Variants in CDCA7L observed in about 807,000 individuals in gnomAD.
CDCA7L encodes the protein cell division cycle-associated 7-like protein.
Under a neutral mutation model 57.4 loss-of-function variants are expected in CDCA7L, and 44 were observed. The observed-to-expected ratio is 0.77, with a 90% CI of 0.60 to 0.98. CDCA7L has a LOEUF of 0.98. Among genes scored for constraint, CDCA7L ranks in the 50% least tolerant of loss-of-function variants. The pLI is 0.00. For missense variants in CDCA7L, 644 were observed against 580.6 expected (o/e 1.11, Z -1.12); for synonymous variants, 236 against 202.8 (o/e 1.16, Z -1.39).
intron 1 of CDCA7L, among the ~76,000 whole-genome samples, chr7:21,933,758 A>C (rs1786084972): frequency 6.6e-6 from 1 of 152,126 alleles, no homozygotes; most frequent in African/African-American, 2.4e-5. Flanking sequence ...CTATGTAACA[A>C]ACCTGCACGT....
chr7:21,914,782 T>C (rs1785430652), intron 2 of CDCA7L, among the ~76,000 whole-genome samples: 1 of 152,178 alleles, frequency 6.6e-6, no homozygotes, highest in Admixed American at 6.5e-5. Context: ...AAACTGCAGC[T>C]TCCCAGGGAG....
intron 1 of CDCA7L, 40 bp downstream of exon 1, chr7:21,945,739 CTG>C: frequency 6.2e-7 from 1 of 1,601,136 alleles, no homozygotes; most frequent in Admixed American, 1.7e-5. Flanking sequence ...GGAAGTCAAA[CTG>C]TGGGTGCGTC....
rs1394957270 is a variant in CDCA7L at position 21,902,172 on chromosome 7, T to C, written c.*150A>G. On this transcript the variant is annotated 3_prime_UTR_variant, in exon 10 of 10. Coordinates refer to ENST00000406877, the MANE Select transcript of CDCA7L (RefSeq NM_018719.5). ...TCTTCCTGAGAAATCTTTGTAAGCA[T>C]ATAAACAATCTTTAACAAAAAATAG... 3.9e-6 allele frequency: 3 copies of C among 767,984 alleles called. No individual in the cohort carries two copies. The highest frequency in any genetic ancestry group is 2.2e-5 in the Admixed American group (1 of 44,604). 47.6% of individuals were successfully genotyped at this position (767,984 alleles called of 1,614,324 possible). A position where few individuals can be genotyped will look rare whatever the true frequency, so the allele number is the denominator to read the frequency against.
At chr7:21,905,300 AAG>A (rs1785104335) in intron 7 of CDCA7L, among the ~76,000 whole-genome samples, 1 of 152,084 alleles carries the variant, frequency 6.6e-6, no homozygotes, top group African/African-American at 2.4e-5. Context: ...ACGCATCCCT[AAG>A]AGAGACCGCC....
At chr7:21,936,677 T>C (rs1295256954) in intron 1 of CDCA7L, among the ~76,000 whole-genome samples, 1 of 151,356 alleles carries the variant, frequency 6.6e-6, no homozygotes, top group African/African-American at 2.4e-5. Context: ...AACATAAGGC[T>C]ATATACGAAA....
rs770354618 is a variant in CDCA7L at position 21,905,606 on chromosome 7, C to T, written c.947G>A (p.Arg316His). 1.1e-5 allele frequency: 17 copies of T among 1,613,888 alleles called. No individual in the cohort carries two copies. The highest frequency in any genetic ancestry group is 1.7e-5 in the Admixed American group (1 of 60,010). The part of the protein sequence containing the change: ...IGGKCREYRR[R>H]HRISSFRPVE... The stretch of plus-strand genomic sequence containing the variant: ...TGGCCGAAAAGAAGATATACGGTGA[C>T]GTCGTCTGTACTCCCGGCATTTCCC... The change falls in exon 7 of 10, where the codon CGT becomes CAT. Residue 316 changes from arginine (R) to histidine (H), a missense_variant. Physicochemically the swap from Arg to His is conservative, Grantham distance 29. Coordinates refer to ENST00000406877, the MANE Select transcript of CDCA7L (RefSeq NM_018719.5).
At chr7:21,944,395 G>A (rs982556852) in intron 1 of CDCA7L, among the ~76,000 whole-genome samples, 9 of 142,168 alleles carry the variant, frequency 6.3e-5, no homozygotes, top group South Asian at 2.2e-4. Context: ...AGGTTGCAGT[G>A]AGCCGAGGTC....
At chr7:21,913,200 C>T (rs866127656) in intron 2 of CDCA7L, among the ~76,000 whole-genome samples, 2 of 152,098 alleles carry the variant, frequency 1.3e-5, no homozygotes, top group African/African-American at 4.8e-5. Context: ...CAGGGGCACA[C>T]AGAAAGAAAT....
At chr7:21,933,417 T>C (rs1487555925) in intron 1 of CDCA7L, among the ~76,000 whole-genome samples, 4 of 152,152 alleles carry the variant, frequency 2.6e-5, no homozygotes, top group African/African-American at 9.7e-5. Context: ...CCATCAATGA[T>C]AGACTGGATA....
At chr7:21,902,786 G>GAGAAGATTCCCTAATAGGGAAA (rs1554295003) in intron 9 of CDCA7L, 192 bp downstream of exon 9, 50 of 569,554 alleles carry the variant, frequency 8.8e-5, no homozygotes, top group Middle Eastern at 4.8e-4. Context: ...TCTAGCAAAG[G>GAGAAGATTCCCTAATAGGGAAA]AGAAGATTCC....
At chr7:21,915,635 TAAA>T (rs35601553) in intron 2 of CDCA7L, among the ~76,000 whole-genome samples, 4 of 88,328 alleles carry the variant, frequency 4.5e-5, no homozygotes, top group South Asian at 7.4e-4. Context: ...CCATCACTAC[TAAA>T]AAAAAAAAAA....
Position 21,906,556 on chromosome 7 carries a change from A to C in CDCA7L, c.753+12T>G, listed in dbSNP as rs762441667. 1 of 1,614,060 alleles carries C rather than the reference A, an allele frequency of 6.2e-7. No individual in the cohort carries two copies. The highest frequency in any genetic ancestry group is 8.5e-7 in the Non-Finnish European group (1 of 1,179,950). On this transcript the variant is annotated intron_variant, in intron 5 of 9. Transcript: ENST00000406877. Reference sequence around the variant, plus strand: ...TATCAGTATTGGTATAATTATAAGGAGTTCTACTTACAGAAGCTGAGGTTG... The same window carrying C: ...TATCAGTATTGGTATAATTATAAGGCGTTCTACTTACAGAAGCTGAGGTTG...
In CDCA7L at chr7:21,901,330, G is replaced by A; in HGVS notation, c.*992C>T. 4 of 1,468,914 alleles carry A rather than the reference G, an allele frequency of 2.7e-6. No homozygotes were observed. Among genetic ancestry groups the A allele is most frequent in the Admixed American group, 2.4e-5 (1 of 42,410 alleles). The allele number at this position is 1,468,914 out of a possible 1,614,324, so 91.0% of individuals were successfully genotyped here. On this transcript the variant is annotated 3_prime_UTR_variant, in exon 10 of 10. Transcript: ENST00000406877. ...TAGCATGTTGCTGCACTGTTCCCAT[G>A]CACATTATTCTAACTTTTTAGTAAC...
chr7:21,923,181 C>T (rs1211708865), intron 1 of CDCA7L, among the ~76,000 whole-genome samples: 2 of 151,950 alleles, frequency 1.3e-5, no homozygotes, highest in Non-Finnish European at 2.9e-5. Context: ...AAGAATTCAA[C>T]GAAAAAAGAC....
At chr7:21,937,098 G>A (rs542220945) in intron 1 of CDCA7L, among the ~76,000 whole-genome samples, 45 of 152,030 alleles carry the variant, frequency 3.0e-4, no homozygotes, top group Admixed American at 9.8e-4. Context: ...CCAAAAAGGC[G>A]AAAAAAGCCT....
rs780969974 is a variant in CDCA7L, at chr7:21,906,398, G to C, written c.812C>G (p.Pro271Arg). Residue 271 changes from proline to arginine, a missense_variant, in exon 6 of 10, where the codon CCA (proline) becomes CGA (arginine). Pro to Arg is a moderately radical substitution (Grantham distance 103). Transcript: ENST00000406877. ...SEGQITRRMNPTRSARPPEKF... is the reference protein window; with the variant it reads ...SEGQITRRMNRTRSARPPEKF... ...CTCAGGAGGCCGCGCACTCCGGGTT[G>C]GGTTCATACGCCGCGTGATCTGTCC... 7 of 1,613,616 alleles carry C rather than the reference G, an allele frequency of 4.3e-6. No homozygotes were observed. Among genetic ancestry groups the C allele is most frequent in the South Asian group, 1.1e-5 (1 of 91,050 alleles).
chr7:21,905,813 G>T, intron 6 of CDCA7L, 182 bp from the exon 7 acceptor site: 1 of 631,566 alleles, frequency 1.6e-6, no homozygotes, highest in Non-Finnish European at 2.5e-6. Context: ...TTCCTTCTCA[G>T]CAAGGCGATA....
At chr7:21,906,216 C>CA (rs1470572387) in intron 6 of CDCA7L, 73 bp downstream of exon 6, 14 of 1,434,708 alleles carry the variant, frequency 9.8e-6, no homozygotes, top group Admixed American at 4.2e-5. Context: ...CCTGGGGTGA[C>CA]AGTGACGTGC....
intron 9 of CDCA7L, 144 bp from the exon 10 acceptor site, chr7:21,902,496 A>AATATCCGTATACCCTCTGGTGTAGT: frequency 2.6e-6 from 2 of 774,858 alleles, no homozygotes; most frequent in South Asian, 3.1e-5. Flanking sequence ...TTTATGCATC[A>AATATCCGTATACCCTCTGGTGTAGT]ATATCCGTAT....
Sources: allele counts gnomAD v4.1 joint callset (sites outside exome capture counted in the v4.1 genomes callset), GRCh38; gene constraint gnomAD v4.1.1; transcripts MANE v1.5; gene names NCBI Gene and HGNC (gene_info 2026-07-23, HGNC 2026-07-21).